IL1RAPL2: variants seen among roughly 807,000 people sequenced by gnomAD.
IL1RAPL2 encodes interleukin 1 receptor accessory protein like 2.
In IL1RAPL2, 3 loss-of-function variants were observed where a neutral mutation model predicts 44.1. The ratio of observed to expected loss-of-function variants is 0.07; its 90% CI spans 0.03 to 0.18. The LOEUF (loss-of-function observed/expected upper bound fraction) is 0.18, where lower values mean the gene tolerates loss of function less well. IL1RAPL2 is among the 10% of genes least tolerant of loss of function. IL1RAPL2 has a pLI of 1.00. For synonymous variants in IL1RAPL2, 181 were observed against 178.8 expected (o/e 1.01, Z -0.10); for missense variants, 391 against 496.4 (o/e 0.79, Z 2.02).
chrX:104,876,464 C>A, intron 2 of IL1RAPL2, among the ~76,000 whole-genome samples: 1 of 111,155 alleles, frequency 9.0e-6, no homozygotes, highest in African/African-American at 3.3e-5. Flanking sequence ...TCCCACTTAA[C>A]AAAATCAAAA....
chrX:104,991,682 A>G (rs5963017), intron 2 of IL1RAPL2, among the ~76,000 whole-genome samples: 6,307 of 111,736 alleles, frequency 0.056, 456 homozygotes, highest in African/African-American at 0.2. Flanking sequence ...TTTATTGAGT[A>G]CCTACTTTGA....
intron 5 of IL1RAPL2, among the ~76,000 whole-genome samples, chrX:105,464,642 T>C (rs949722601): frequency 8.9e-6 from 1 of 111,959 alleles, no homozygotes; most frequent in African/African-American, 3.2e-5. Context: ...AATTCCTTTC[T>C]GTATATAAAA....
intron 5 of IL1RAPL2, among the ~76,000 whole-genome samples, chrX:105,318,424 A>T (rs2034868756): frequency 8.9e-6 from 1 of 111,917 alleles, no homozygotes; most frequent in African/African-American, 3.3e-5. Context: ...TAAAAGGAAG[A>T]CATTACTGGG....
intron 6 of IL1RAPL2, among the ~76,000 whole-genome samples, chrX:105,489,776 TC>T (rs1569447162): frequency 1.8e-5 from 1 of 55,881 alleles, no homozygotes; most frequent in East Asian, 4.4e-4. Context: ...TTCTTTCTTT[TC>T]TTTCTCTCTT....
intron 5 of IL1RAPL2, among the ~76,000 whole-genome samples, chrX:105,389,777 C>T (rs1320251697): frequency 9.0e-6 from 1 of 111,130 alleles, no homozygotes; most frequent in Non-Finnish European, 1.9e-5. Context: ...AATGAGAAAA[C>T]TTTTGAGAAC....
chrX:104,604,728 C>CA (rs1026814874), intron 1 of IL1RAPL2, among the ~76,000 whole-genome samples: 15 of 108,557 alleles, frequency 1.4e-4, no homozygotes, highest in African/African-American at 4.7e-4. Context: ...CAAAGAAGGC[C>CA]ATTACATAAT....
intron 2 of IL1RAPL2, among the ~76,000 whole-genome samples, chrX:104,808,878 C>G (rs1007317581): frequency 3.6e-5 from 4 of 111,421 alleles, no homozygotes; most frequent in African/African-American, 6.5e-5. Context: ...TGGGTGAGAG[C>G]AGTTCTGAGG....
chrX:104,761,813 TTTCTCCTCC>T (rs1932433458), intron 2 of IL1RAPL2, among the ~76,000 whole-genome samples: 1 of 77,563 alleles, frequency 1.3e-5, no homozygotes, highest in African/African-American at 6.3e-5. Context: ...TCTCCTTCTC[TTTCTCCTCC>T]TTCTCCTTCT....
intron 1 of IL1RAPL2, among the ~76,000 whole-genome samples, chrX:104,642,892 G>A (rs1471205185): frequency 8.9e-6 from 1 of 111,947 alleles, no homozygotes; most frequent in East Asian, 2.8e-4. Flanking sequence ...CACTGTACCT[G>A]ACATAACCCT....
At chrX:104,875,467 A>AC (rs1272600849) in intron 2 of IL1RAPL2, among the ~76,000 whole-genome samples, 13 of 111,828 alleles carry the variant, frequency 1.2e-4, no homozygotes, top group African/African-American at 3.6e-4. Context: ...AAGCACCAAG[A>AC]CATAAGCACA....
At chrX:105,550,938 A>C (rs769568520) in intron 6 of IL1RAPL2, among the ~76,000 whole-genome samples, 2 of 111,844 alleles carry the variant, frequency 1.8e-5, no homozygotes, top group East Asian at 5.6e-4. Flanking sequence ...GAAAACCCTC[A>C]TACTACATTT....
intron 2 of IL1RAPL2, among the ~76,000 whole-genome samples, chrX:104,976,723 T>C (rs2030342266): frequency 9.1e-6 from 1 of 110,476 alleles, no homozygotes; most frequent in African/African-American, 3.3e-5. Flanking sequence ...CCTCAGAGTT[T>C]CCAGGGGTTC....
At chrX:105,266,072 A>G (rs918974645) in intron 4 of IL1RAPL2, among the ~76,000 whole-genome samples, 51 of 109,357 alleles carry the variant, frequency 4.7e-4, no homozygotes, top group African/African-American at 1.6e-3. Context: ...ACAGAGTCTC[A>G]TTCTTGTCAC....
At chrX:104,961,628 C>G (rs1654489019) in intron 2 of IL1RAPL2, among the ~76,000 whole-genome samples, 1 of 111,649 alleles carries the variant, frequency 9.0e-6, no homozygotes, top group Non-Finnish European at 1.9e-5. Flanking sequence ...CAAGAACTCT[C>G]AATTCAACTA....
At chrX:105,179,165 T>G (rs2033504178) in intron 2 of IL1RAPL2, among the ~76,000 whole-genome samples, 1 of 107,490 alleles carries the variant, frequency 9.3e-6, no homozygotes, top group South Asian at 3.7e-4. Flanking sequence ...GAGTTTCTCC[T>G]TGTATTTGGT....
At chrX:104,716,643 T>G (rs1438768147) in intron 2 of IL1RAPL2, among the ~76,000 whole-genome samples, 1 of 111,105 alleles carries the variant, frequency 9.0e-6, no homozygotes, top group African/African-American at 3.3e-5. Flanking sequence ...AAAGAAGACA[T>G]ACATCCACCC....
chrX:105,615,025 A>C (rs370020039), intron 6 of IL1RAPL2, among the ~76,000 whole-genome samples: 4 of 112,216 alleles, frequency 3.6e-5, no homozygotes, highest in African/African-American at 1.3e-4. Flanking sequence ...AAAAGATATG[A>C]ATACACATTT....
intron 6 of IL1RAPL2, among the ~76,000 whole-genome samples, chrX:105,646,022 C>T (rs745744084): frequency 9.0e-6 from 1 of 111,263 alleles, no homozygotes; most frequent in African/African-American, 3.3e-5. Flanking sequence ...CTATCATGCC[C>T]ATGACATGGA....
chrX:105,631,830 G>A (rs181459542), intron 6 of IL1RAPL2, among the ~76,000 whole-genome samples: 107 of 111,479 alleles, frequency 9.6e-4, no homozygotes, highest in Non-Finnish European at 1.4e-3. Context: ...TAATCTACCT[G>A]TGGACTCTGG....
Sources: gnomAD v4.1 joint callset for allele counts (sites outside exome capture counted in the v4.1 genomes callset) on GRCh38, gnomAD v4.1.1 for gene constraint, MANE v1.5 for transcripts, NCBI Gene and HGNC (gene_info 2026-07-23, HGNC 2026-07-21) for gene names.